The following AXL variants were observed in gnomAD, a reference collection of about 807,000 sequenced individuals.
AXL encodes the protein tyrosine-protein kinase receptor UFO.
A neutral mutation model predicts 104.5 loss-of-function variants in AXL; 52 were observed. That is an observed-to-expected ratio of 0.50 (90% confidence interval 0.40 to 0.63). The LOEUF (loss-of-function observed/expected upper bound fraction) is 0.63, where lower values mean the gene tolerates loss of function less well. Among genes scored for constraint, AXL ranks in the 20% least tolerant of loss-of-function variants. The pLI, the probability that AXL is intolerant of heterozygous loss-of-function variation, is 0.00. For synonymous variants in AXL, 455 were observed against 473.7 expected (o/e 0.96, Z 0.51); for missense variants, 1,024 against 1,188.5 (o/e 0.86, Z 2.04).
chr19:41,226,259 C>T (rs772406589), intron 4 of AXL, among the ~76,000 whole-genome samples: 4 of 152,288 alleles, frequency 2.6e-5, no homozygotes, highest in Admixed American at 6.5e-5. Context: ...CCTCCAGCCC[C>T]AGGGCTTCTC....
chr19:41,230,161 CTG>C (rs1356946501), intron 4 of AXL, among the ~76,000 whole-genome samples: 2 of 145,752 alleles, frequency 1.4e-5, no homozygotes, highest in Non-Finnish European at 3.0e-5. Context: ...GTTTCTGTGT[CTG>C]TGTCTGTGTC....
chr19:41,259,740 G>A lies in AXL; in HGVS notation c.2521G>A (p.Asp841Asn). The A allele has an allele frequency of 6.2e-7, 1 of 1,614,060 alleles. No individual in the cohort carries two copies. The highest frequency in any genetic ancestry group is 8.5e-7 in the Non-Finnish European group (1 of 1,180,002). ...PEPPGAAGGA[D>N]PPTQPDPKDS... ...ACCCCCTGGAGCTGCAGGAGGAGCT[G>A]ACCCCCCAACCCAGCCAGACCCTAA... is the stretch of plus-strand genomic sequence containing the variant. The change falls in exon 20 of 20, where the codon GAC (aspartate) becomes AAC (asparagine). Residue 841 changes from aspartate to asparagine, a missense_variant. Physicochemically the swap from Asp to Asn is conservative, Grantham distance 23. Transcript: ENST00000301178.
intron 12 of AXL, among the ~76,000 whole-genome samples, chr19:41,245,720 A>G (rs1599737954): frequency 1.3e-5 from 2 of 151,920 alleles, no homozygotes; most frequent in Admixed American, 1.3e-4. Context: ...TCTCAAAAAA[A>G]AAAAAAAAAA....
At chr19:41,250,307 G>C (rs1020833106) in intron 14 of AXL, among the ~76,000 whole-genome samples, 1 of 152,244 alleles carries the variant, frequency 6.6e-6, no homozygotes, top group African/African-American at 2.4e-5. Context: ...AGGGCATTCA[G>C]ATTGGGGCTG....
rs761863392 is a variant in AXL at position 41,219,413 on chromosome 19, G to A, written c.21G>A (p.Arg7=). Residue 7 remains arginine (R), a synonymous_variant, in exon 1 of 20, where the codon AGG becomes AGA. Transcript: ENST00000301178. MAWRCP[R]MGRVPLAWCL... ...CACCCATGGCGTGGCGGTGCCCCAGGATGGGCAGGGTCCCGCTGGCCTGGT... is the reference window on the plus strand; with the variant it reads ...CACCCATGGCGTGGCGGTGCCCCAGAATGGGCAGGGTCCCGCTGGCCTGGT... 1 of 1,604,008 alleles carries A rather than the reference G, an allele frequency of 6.2e-7. No individual in the cohort carries two copies. Among genetic ancestry groups the A allele is most frequent in the South Asian group, 1.1e-5 (1 of 89,170 alleles).
At chr19:41,226,362 G>A (rs1201049540) in intron 4 of AXL, among the ~76,000 whole-genome samples, 1 of 152,192 alleles carries the variant, frequency 6.6e-6, no homozygotes, top group African/African-American at 2.4e-5. Flanking sequence ...CCCCACTCGG[G>A]CCGCCCGCCC....
Position 41,221,935 on chromosome 19 carries a change from C to G in AXL, c.465C>G (p.Pro155=). The change falls in exon 4 of 20, where the codon CCC becomes CCG. Residue 155 remains proline (P), a synonymous_variant. Coordinates refer to ENST00000301178, the MANE Select transcript of AXL (RefSeq NM_021913.5). ...ACAGGACTGTGGCCGCCAACACCCC[C>G]TTCAACCTGAGCTGCCAAGCTCAGG... ...PEDRTVAANT[P]FNLSCQAQGP... 6.2e-7 allele frequency: 1 copy of G among 1,613,724 alleles called. No homozygotes were observed. The highest frequency in any genetic ancestry group is 8.5e-7 in the Non-Finnish European group (1 of 1,179,880).
chr19:41,243,307 C>A (rs2034215613), intron 11 of AXL, among the ~76,000 whole-genome samples: 1 of 152,174 alleles, frequency 6.6e-6, no homozygotes, highest in South Asian at 2.1e-4. Flanking sequence ...GTGGTCCCAG[C>A]TACTTGGGAG....
Position 41,231,239 on chromosome 19 carries a change from G to A in AXL, c.724G>A (p.Glu242Lys), listed in dbSNP as rs1381688696. Residue 242 changes from glutamate to lysine, a missense_variant, in exon 6 of 20, where the codon GAG becomes AAG. By Grantham distance (56) the Glu-to-Lys change is moderately conservative. Transcript: ENST00000301178. Reference sequence around the variant, plus strand: ...GGTCTCCCGCCAACCCACGGAGCTGGAGGTGGCTTGGACTCCAGGCCTGAG... The same window carrying A: ...GGTCTCCCGCCAACCCACGGAGCTGAAGGTGGCTTGGACTCCAGGCCTGAG... ...HLVSRQPTEL[E>K]VAWTPGLSGI... 1.2e-6 allele frequency: 2 copies of A among 1,613,840 alleles called. No homozygotes were observed. The highest frequency in any genetic ancestry group is 2.2e-5 in the South Asian group (2 of 91,078).
At chr19:41,244,745 C>A (rs766871694) in intron 12 of AXL, among the ~76,000 whole-genome samples, 2 of 152,092 alleles carry the variant, frequency 1.3e-5, no homozygotes, top group Non-Finnish European at 2.9e-5. Flanking sequence ...CCTGCCTTGG[C>A]CTCCCAAAGT....
Position 41,261,441 on chromosome 19 carries a change from T to C in AXL, c.*1537T>C, listed in dbSNP as rs969918111. ...AGGCACTGTAGTTCTAAGACTCAAATGTTCTAAGTTTCTAAGATTCTAAAG... is the reference window on the plus strand; with the variant it reads ...AGGCACTGTAGTTCTAAGACTCAAACGTTCTAAGTTTCTAAGATTCTAAAG... On this transcript the variant is annotated 3_prime_UTR_variant, in exon 20 of 20. Transcript: ENST00000301178. 1.3e-5 allele frequency: 2 copies of C among 152,512 alleles called. No individual in the cohort carries two copies. Among genetic ancestry groups the C allele is most frequent in the Admixed American group, 1.3e-4 (2 of 15,270 alleles). 9.4% of individuals were successfully genotyped at this position (152,512 alleles called of 1,614,324 possible). A position where few individuals can be genotyped will look rare whatever the true frequency, so the allele number is the denominator to read the frequency against.
rs931598848 is a variant in AXL at position 41,226,768 on chromosome 19, A to G, written c.587-4199A>G. 59 of 985,732 alleles carry G rather than the reference A, an allele frequency of 6.0e-5. 1 individual carries two copies. Among genetic ancestry groups the G allele is most frequent in the Non-Finnish European group, 7.0e-5 (58 of 830,074 alleles). 61.1% of individuals were successfully genotyped at this position (985,732 alleles called of 1,614,324 possible). The stretch of plus-strand genomic sequence containing the variant: ...CACAGATGCACAAGCACACGCGTAA[A>G]CAACACGCAGAACTGCAGTCGCACT... On this transcript the variant is annotated intron_variant, in intron 4 of 19. Transcript: ENST00000301178.
At chr19:41,256,708 G>A (rs2034458353) in intron 18 of AXL, 97 bp downstream of exon 18, 3 of 1,508,008 alleles carry the variant, frequency 2.0e-6, no homozygotes, top group Non-Finnish European at 1.8e-6. Context: ...GGGTCACAGG[G>A]ACATGTGGGC....
At chr19:41,242,808 C>T in intron 10 of AXL, 75 bp from the exon 11 acceptor site, 2 of 1,586,548 alleles carry the variant, frequency 1.3e-6, no homozygotes, top group South Asian at 2.2e-5. Flanking sequence ...GCCTCCCTCC[C>T]ACATCACCCC....
chr19:41,233,398 CTA>C (rs1377787284), intron 6 of AXL, among the ~76,000 whole-genome samples: 1 of 147,488 alleles, frequency 6.8e-6, no homozygotes, highest in Non-Finnish European at 1.5e-5. Context: ...AAAATAGTGG[CTA>C]TTGGCTGGGC....
chr19:41,232,571 C>T (rs1195086156), intron 6 of AXL, among the ~76,000 whole-genome samples: 2 of 151,400 alleles, frequency 1.3e-5, no homozygotes, highest in Non-Finnish European at 2.9e-5. Flanking sequence ...TGCAGTGAGC[C>T]GAGATCGTGC....
intron 1 of AXL, among the ~76,000 whole-genome samples, chr19:41,219,917 G>A (rs1477173103): frequency 1.3e-5 from 2 of 151,730 alleles, no homozygotes; most frequent in African/African-American, 2.4e-5. Flanking sequence ...CCCCTGACCC[G>A]CCACTTGTCC....
intron 17 of AXL, among the ~76,000 whole-genome samples, chr19:41,255,165 C>T (rs1027092139): frequency 1.3e-5 from 2 of 152,170 alleles, no homozygotes; most frequent in African/African-American, 4.8e-5. Flanking sequence ...GTTTGTACTG[C>T]TTTGTGTCTG....
chr19:41,237,890 C>A (rs2034107395), intron 6 of AXL, 54 bp from the exon 7 acceptor site: 2 of 1,528,450 alleles, frequency 1.3e-6, no homozygotes, highest in East Asian at 2.3e-5. Context: ...AGCTGTGTGA[C>A]CATCTCGTGT....
Sources: allele counts gnomAD v4.1 joint callset (sites outside exome capture counted in the v4.1 genomes callset), GRCh38; gene constraint gnomAD v4.1.1; transcripts MANE v1.5; gene names NCBI Gene and HGNC (gene_info 2026-07-23, HGNC 2026-07-21).